The following STK32B variants were observed in gnomAD, a reference collection of about 807,000 sequenced individuals.
STK32B encodes the protein serine/threonine kinase 32B.
STK32B carries 43 observed loss-of-function variants against 52.6 expected under a neutral mutation model. The ratio of observed to expected loss-of-function variants is 0.82; its 90% confidence interval spans 0.64 to 1.05. The LOEUF is 1.05. Ranked by LOEUF, STK32B falls within the 50% of genes least tolerant of loss-of-function variation. The pLI is 0.00. For synonymous variants in STK32B, 238 were observed against 204.3 expected (o/e 1.17, Z -1.41); for missense variants, 621 against 534.6 (o/e 1.16, Z -1.59).
chr4:5,249,432 T>TACC (rs1560259153), intron 3 of STK32B, among the ~76,000 whole-genome samples: 2,694 of 84,288 alleles, frequency 0.032, 52 homozygotes, highest in Non-Finnish European at 0.042. Flanking sequence ...TCTTCCTTCC[T>TACC]TCCTACCTAC....
At chr4:5,216,533 A>C (rs977416912) in intron 3 of STK32B, among the ~76,000 whole-genome samples, 2 of 152,188 alleles carry the variant, frequency 1.3e-5, no homozygotes, top group East Asian at 1.9e-4. Context: ...AAACCTGAAA[A>C]ATAGATAGGA....
chr4:5,204,530 C>A (rs1722420608), intron 3 of STK32B, among the ~76,000 whole-genome samples: 1 of 150,748 alleles, frequency 6.6e-6, no homozygotes, highest in Admixed American at 6.6e-5. Flanking sequence ...AGAGCAATGG[C>A]ATGATCTCGA....
the STK32B span, among the ~76,000 whole-genome samples, chr4:5,041,981 C>T: frequency 5.9e-5 from 9 of 152,244 alleles, no homozygotes; most frequent in African/African-American, 1.4e-4. Flanking sequence ...GCACAGAAGA[C>T]GCCCTGCTCC....
At chr4:5,384,095 A>G (rs28491228) in intron 4 of STK32B, among the ~76,000 whole-genome samples, 38,414 of 151,984 alleles carry the variant, frequency 0.25, 5,758 homozygotes, top group African/African-American at 0.43. Flanking sequence ...GCGGGGGACA[A>G]TGCTTGGCTC....
chr4:5,284,764 G>A (rs1728439634), intron 3 of STK32B, among the ~76,000 whole-genome samples: 1 of 152,138 alleles, frequency 6.6e-6, no homozygotes, highest in African/African-American at 2.4e-5. Context: ...CTCCACGTGA[G>A]CAGCTCATCT....
chr4:5,097,354 T>C (rs16836638), intron 1 of STK32B, among the ~76,000 whole-genome samples: 8,888 of 152,318 alleles, frequency 0.058, 841 homozygotes, highest in African/African-American at 0.2. Context: ...TTGAGTTTAC[T>C]CTTTGTTCAC....
At chr4:5,107,719 A>G (rs1157998365) in intron 1 of STK32B, among the ~76,000 whole-genome samples, 2 of 152,244 alleles carry the variant, frequency 1.3e-5, no homozygotes, top group Admixed American at 6.5e-5. Context: ...GAATGGCAGA[A>G]TAAATGTTTA....
chr4:5,343,011 A>T (rs1733190540), intron 4 of STK32B, among the ~76,000 whole-genome samples: 1 of 152,080 alleles, frequency 6.6e-6, no homozygotes, highest in South Asian at 2.1e-4. Flanking sequence ...CAGGTTTGTT[A>T]CATATATATA....
At chr4:5,192,173 C>T (rs1279625532) in intron 3 of STK32B, among the ~76,000 whole-genome samples, 2 of 152,208 alleles carry the variant, frequency 1.3e-5, no homozygotes, top group Non-Finnish European at 2.9e-5. Context: ...GATCACATTG[C>T]AAGGTCCTGA....
the STK32B span, among the ~76,000 whole-genome samples, chr4:5,039,893 C>T: frequency 2.0e-5 from 3 of 152,208 alleles, no homozygotes; most frequent in South Asian, 2.1e-4. Flanking sequence ...AGTGGTATCA[C>T]CAAGACAGTG....
intron 1 of STK32B, among the ~76,000 whole-genome samples, chr4:5,055,865 T>G (rs373808705): frequency 1.4e-5 from 2 of 142,596 alleles, no homozygotes; most frequent in Non-Finnish European, 3.1e-5. Context: ...TTTCCTTGCT[T>G]TATTTTTTTT....
At chr4:5,496,399 C>G (rs1271086333) in intron 11 of STK32B, among the ~76,000 whole-genome samples, 1 of 152,244 alleles carries the variant, frequency 6.6e-6, no homozygotes, top group Non-Finnish European at 1.5e-5. Flanking sequence ...GGGATATCTC[C>G]TGGTGCACCG....
At chr4:5,132,100 T>C (rs750567121) in intron 1 of STK32B, among the ~76,000 whole-genome samples, 1 of 152,194 alleles carries the variant, frequency 6.6e-6, no homozygotes, top group Non-Finnish European at 1.5e-5. Context: ...GCAAAGAACA[T>C]GATCTTCCTC....
chr4:5,247,254 A>G (rs1214999450), intron 3 of STK32B, among the ~76,000 whole-genome samples: 2 of 151,796 alleles, frequency 1.3e-5, no homozygotes, highest in Non-Finnish European at 2.9e-5. Flanking sequence ...TTTTTTACCT[A>G]CTCAAGCCTG....
chr4:5,277,246 C>G (rs1727883391), intron 3 of STK32B, among the ~76,000 whole-genome samples: 1 of 152,246 alleles, frequency 6.6e-6, no homozygotes, highest in South Asian at 2.1e-4. Flanking sequence ...TTGGCTTCAA[C>G]ATGCCTCCTT....
At chr4:5,462,578 C>T (rs1211589929) in intron 9 of STK32B, among the ~76,000 whole-genome samples, 2 of 152,164 alleles carry the variant, frequency 1.3e-5, no homozygotes, top group Admixed American at 1.3e-4. Context: ...CCCCAAACAC[C>T]TACACCCACC....
chr4:5,340,920 T>C (rs1487027546), intron 4 of STK32B, among the ~76,000 whole-genome samples: 2 of 152,124 alleles, frequency 1.3e-5, no homozygotes, highest in African/African-American at 4.8e-5. Context: ...TAAAATGAGC[T>C]AGGTAGTATA....
Position 5,248,340 on chromosome 4 carries a change from G to A in STK32B, c.260+79890G>A, listed in dbSNP as rs77793125. On this transcript the variant is annotated intron_variant, in intron 3 of 11. Transcript: ENST00000282908. ...CAGCTTTAGTAATGCCCCAAGGATA[G>A]CTGTTTAGCTTTCTAGAGCTCATAT... Among the ~76,000 whole-genome samples, 704 of 152,312 alleles carry A rather than the reference G, an allele frequency of 4.6e-3. 2 individuals carry two copies. Among genetic ancestry groups the A allele is most frequent in the African/African-American group, 0.016 (645 of 41,560 alleles).
intron 1 of STK32B, among the ~76,000 whole-genome samples, chr4:5,111,234 C>T (rs1175501429): frequency 6.6e-6 from 1 of 152,128 alleles, no homozygotes. Context: ...AAGAGAATGA[C>T]CATTTGACTC....
Sources: gnomAD v4.1 joint callset for allele counts (sites outside exome capture counted in the v4.1 genomes callset) on GRCh38, gnomAD v4.1.1 for gene constraint, MANE v1.5 for transcripts, NCBI Gene and HGNC (gene_info 2026-07-23, HGNC 2026-07-21) for gene names.